Variants in TMEM9B observed in about 807,000 individuals in gnomAD.
The protein encoded by TMEM9B is TMEM9 domain family member B.
Under a neutral mutation model 23.5 loss-of-function variants are expected in TMEM9B, and 8 were observed. The ratio of observed to expected loss-of-function variants is 0.34; its 90% CI spans 0.20 to 0.61. TMEM9B has a LOEUF of 0.61. TMEM9B is among the 20% of genes least tolerant of loss of function. The pLI is 0.78. For synonymous variants in TMEM9B, 106 were observed against 96.3 expected, an observed-to-expected ratio of 1.10 and a Z score of -0.59; for missense variants, 197 against 252.3, an observed-to-expected ratio of 0.78 and a Z score of 1.49.
Position 8,964,367 on chromosome 11 carries a change from T to TCC in TMEM9B, c.-55_-54insGG, listed in dbSNP as rs1351233304. 18 of 1,532,776 alleles carry TCC rather than the reference T, an allele frequency of 1.2e-5. No individual in the cohort carries two copies. Among genetic ancestry groups the TCC allele is most frequent in the Admixed American group, 4.1e-5 (2 of 49,260 alleles). The allele number at this position is 1,532,776 out of a possible 1,614,324, so 94.9% of individuals were successfully genotyped here. A position where few individuals can be genotyped will look rare whatever the true frequency, so the allele number is the denominator to read the frequency against. On this transcript the variant is annotated 5_prime_UTR_variant, in exon 1 of 5. Transcript: ENST00000534025. ...GGAGCCCCCGCGACCGGCTCCCGGC[T>TCC]CGGGCTCAGGCTCAGGCTCAGGCTC... is the stretch of plus-strand genomic sequence containing the variant.
chr11:8,954,984 C>G (rs1042541991), intron 3 of TMEM9B, among the ~76,000 whole-genome samples: 3 of 151,976 alleles, frequency 2.0e-5, no homozygotes, highest in African/African-American at 7.3e-5. Context: ...AATCCTGTCT[C>G]TACTAAAAAT....
At chr11:8,964,579 G>A, upstream of TMEM9B, 1 of 878,834 alleles carries the variant, frequency 1.1e-6, no homozygotes, top group Non-Finnish European at 1.6e-6. Flanking sequence ...CGGGACGGAA[G>A]GGGGCCTCTG....
intron 2 of TMEM9B, among the ~76,000 whole-genome samples, chr11:8,956,699 T>A (rs1468174300): frequency 1.3e-5 from 2 of 152,214 alleles, no homozygotes; most frequent in Non-Finnish European, 2.9e-5. Context: ...TTATCTCTTT[T>A]GTGAATTAAC....
rs1426174225 is a variant in TMEM9B, at chr11:8,964,436, T to G, written c.-123A>C. On this transcript the variant is annotated 5_prime_UTR_variant, in exon 1 of 5. Transcript: ENST00000534025. ...CGGCTGGGGATCCTCCGCCCGCACTTCCGTCTGGACGCGAAGGCGTCACCG... is the reference window on the plus strand; with the variant it reads ...CGGCTGGGGATCCTCCGCCCGCACTGCCGTCTGGACGCGAAGGCGTCACCG... The G allele has an allele frequency of 2.8e-6, 4 of 1,431,100 alleles. No individual in the cohort carries two copies. Among genetic ancestry groups the G allele is most frequent in the Non-Finnish European group, 3.6e-6 (4 of 1,099,106 alleles). The allele number at this position is 1,431,100 out of a possible 1,614,324, so 88.7% of individuals were successfully genotyped here. A position where few individuals can be genotyped will look rare whatever the true frequency, so the allele number is the denominator to read the frequency against.
chr11:8,961,174 A>G (rs1279693643), intron 2 of TMEM9B, among the ~76,000 whole-genome samples: 3 of 152,200 alleles, frequency 2.0e-5, no homozygotes, highest in East Asian at 3.9e-4. Context: ...GTGGCATCAG[A>G]GAAACTAAAC....
At chr11:8,950,169 T>C (rs765838088) in intron 4 of TMEM9B, among the ~76,000 whole-genome samples, 96 of 151,838 alleles carry the variant, frequency 6.3e-4, no homozygotes, top group Non-Finnish European at 1.0e-3. Context: ...GCTAAAGTTA[T>C]AGAATTGCTT....
In TMEM9B at chr11:8,953,206, A is replaced by C; in HGVS notation, c.438T>G (p.Ile146Met). 1 of 1,614,186 alleles carries C rather than the reference A, an allele frequency of 6.2e-7. No homozygotes were observed. The highest frequency in any genetic ancestry group is 1.1e-5 in the South Asian group (1 of 91,084). Reference protein sequence around the residue: ...HAQLIQSDDDIGDHQPFANAH... With the variant: ...HAQLIQSDDDMGDHQPFANAH... ...CTAGGGCAGGCTGGGAACTTACCCC[A>C]ATATCATCATCACTCTGTATCAACT... Residue 146 changes from isoleucine to methionine, a missense_variant, in exon 4 of 5, where the codon ATT becomes ATG. By Grantham distance (10) the Ile-to-Met change is conservative. Around this residue, in one of 2 missense-constraint regions of TMEM9B, gnomAD observed 141 missense variants for 214.1 expected, o/e 0.66. Transcript: ENST00000534025.
chr11:8,955,955 G>A (rs1382980946), intron 3 of TMEM9B, among the ~76,000 whole-genome samples: 1 of 152,208 alleles, frequency 6.6e-6, no homozygotes, highest in African/African-American at 2.4e-5. Context: ...CACAGAAGCT[G>A]GGATATCTTT....
At chr11:8,951,935 G>A (rs1245849625) in intron 4 of TMEM9B, among the ~76,000 whole-genome samples, 3 of 151,352 alleles carry the variant, frequency 2.0e-5, no homozygotes, top group African/African-American at 7.3e-5. Flanking sequence ...GTGAAACTCC[G>A]TCTCTACTAA....
At chr11:8,963,194 G>A (rs1244629484) in intron 1 of TMEM9B, among the ~76,000 whole-genome samples, 1 of 152,242 alleles carries the variant, frequency 6.6e-6, no homozygotes, top group Non-Finnish European at 1.5e-5. Context: ...TGTTTTCAAA[G>A]TCAGGAGACG....
At position 8,964,374 on chromosome 11, in the gene TMEM9B, C is replaced by CAGGCTA; in HGVS notation, c.-62_-61insTAGCCT. 6.7e-7 allele frequency: 1 copy of CAGGCTA among 1,490,482 alleles called. No homozygotes were observed. The highest frequency in any genetic ancestry group is 8.9e-7 in the Non-Finnish European group (1 of 1,120,916). 92.3% of individuals were successfully genotyped at this position (1,490,482 alleles called of 1,614,324 possible). On this transcript the variant is annotated 5_prime_UTR_variant, in exon 1 of 5. Coordinates refer to ENST00000534025, the MANE Select transcript of TMEM9B (RefSeq NM_020644.3). ...CCGCGACCGGCTCCCGGCTCGGGCTCAGGCTCAGGCTCAGGCTCAGGCACA... is the reference window on the plus strand; with the variant it reads ...CCGCGACCGGCTCCCGGCTCGGGCTCAGGCTAAGGCTCAGGCTCAGGCTCAGGCACA...
chr11:8,956,554 A>G (rs1175619094), intron 2 of TMEM9B, among the ~76,000 whole-genome samples: 4 of 152,178 alleles, frequency 2.6e-5, no homozygotes, highest in African/African-American at 9.7e-5. Context: ...TAACAGTTAC[A>G]AAAACGCACA....
chr11:8,952,269 C>CACACACAT (rs1358052310), intron 4 of TMEM9B, among the ~76,000 whole-genome samples: 1 of 78,730 alleles, frequency 1.3e-5, no homozygotes, highest in East Asian at 2.8e-4. Context: ...CACACACACA[C>CACACACAT]ACACACACAC....
intron 3 of TMEM9B, among the ~76,000 whole-genome samples, chr11:8,954,404 G>A (rs181064495): frequency 1.3e-3 from 194 of 151,784 alleles, no homozygotes; most frequent in African/African-American, 4.4e-3. Flanking sequence ...TTCTCATGCC[G>A]TAGCCTCCCA....
rs765676429 is a variant in TMEM9B at position 8,948,419 on chromosome 11, G to C, written c.498C>G (p.Ala166=). The change falls in exon 5 of 5, where the codon GCC becomes GCG. Residue 166 remains alanine, a synonymous_variant. Coordinates refer to ENST00000534025, the MANE Select transcript of TMEM9B (RefSeq NM_020644.3). ...CATATTCTACCTTGTTCAGCACGTTGGCTCGACTGCGGGAGCGGGCTAGCA... is the reference window on the plus strand; with the variant it reads ...CATATTCTACCTTGTTCAGCACGTTCGCTCGACTGCGGGAGCGGGCTAGCA... ...HDVLARSRSR[A]NVLNKVEYAQ... is the part of the protein sequence containing the mutation. 1 of 1,614,226 alleles carries C rather than the reference G, an allele frequency of 6.2e-7. No individual in the cohort carries two copies. Among genetic ancestry groups the C allele is most frequent in the South Asian group, 1.1e-5 (1 of 91,082 alleles).
rs1853919643 is a variant in TMEM9B at position 8,953,456 on chromosome 11, A to G, written c.307-119T>C. On this transcript the variant is annotated intron_variant, in intron 3 of 4. Transcript: ENST00000534025. ...AGCCTATAGGATTTCTATACAAACC[A>G]GATAGCAATATAAGAAATAAACTCA... is the stretch of plus-strand genomic sequence containing the variant. 5.4e-6 allele frequency: 5 copies of G among 921,502 alleles called. No homozygotes were observed. In the East Asian group the frequency reaches 1.3e-4, roughly 24 times the overall value. 57.1% of individuals were successfully genotyped at this position (921,502 alleles called of 1,614,324 possible). A position where few individuals can be genotyped will look rare whatever the true frequency, so the allele number is the denominator to read the frequency against.
At chr11:8,960,850 T>A (rs1854066924) in intron 2 of TMEM9B, among the ~76,000 whole-genome samples, 1 of 151,624 alleles carries the variant, frequency 6.6e-6, no homozygotes, top group Non-Finnish European at 1.5e-5. Flanking sequence ...CCCGGCTAAT[T>A]TTTTTTGTAT....
chr11:8,954,779 A>G (rs778573139), intron 3 of TMEM9B, among the ~76,000 whole-genome samples: 9 of 152,192 alleles, frequency 5.9e-5, no homozygotes, highest in Admixed American at 1.3e-4. Flanking sequence ...TCACAGCAGA[A>G]ATGTTTGTGA....
At chr11:8,958,576 T>A (rs1258532271) in intron 2 of TMEM9B, among the ~76,000 whole-genome samples, 2 of 4,958 alleles carry the variant, frequency 4.0e-4, no homozygotes, top group African/African-American at 6.4e-4. Flanking sequence ...AGGTTATTCT[T>A]TTTTTTTTTT....
Sources: allele counts gnomAD v4.1 joint callset (sites outside exome capture counted in the v4.1 genomes callset), GRCh38; gene constraint gnomAD v4.1.1; regional missense constraint gnomAD v4.1.1; transcripts MANE v1.5; gene names NCBI Gene and HGNC (gene_info 2026-07-23, HGNC 2026-07-21).